RICTOR: variants seen among roughly 807,000 people sequenced by gnomAD.
RICTOR encodes rapamycin-insensitive companion of mTOR.
Under a neutral mutation model 214.9 loss-of-function variants are expected in RICTOR, and 49 were observed. The ratio of observed to expected loss-of-function variants is 0.23; its 90% CI spans 0.18 to 0.29. The LOEUF (loss-of-function observed/expected upper bound fraction) is 0.29, where lower values mean the gene tolerates loss of function less well. Ranked by LOEUF, RICTOR falls within the 10% of genes least tolerant of loss-of-function variation. The probability of loss-of-function intolerance (pLI) is 1.00; values close to 1 mark genes in which losing one functional copy is unlikely to be tolerated. For synonymous variants in RICTOR, 717 were observed against 711.3 expected (o/e 1.01, Z -0.13); for missense variants, 1,625 against 2,047.0 (o/e 0.79, Z 3.98).
At chr5:39,014,361 GAT>G (rs1754776030) in intron 3 of RICTOR, among the ~76,000 whole-genome samples, 2 of 152,096 alleles carry the variant, frequency 1.3e-5, no homozygotes, top group South Asian at 4.1e-4. Context: ...ACCAGAAAAG[GAT>G]ACTTTCTAGT....
At chr5:38,990,499 T>C (rs1752511031) in intron 7 of RICTOR, among the ~76,000 whole-genome samples, 1 of 150,826 alleles carries the variant, frequency 6.6e-6, no homozygotes, top group Non-Finnish European at 1.5e-5. Flanking sequence ...AAAATACATA[T>C]ATACGATATA....
intron 11 of RICTOR, chr5:38,971,029 T>TG (rs1208243549): frequency 2.0e-5 from 3 of 152,530 alleles, no homozygotes; most frequent in Admixed American, 2.0e-4. Context: ...TTTTTTGAGA[T>TG]GGAGTTTCAC....
chr5:38,996,625 T>G (rs1049142606), intron 6 of RICTOR, among the ~76,000 whole-genome samples, 194 bp downstream of exon 6: 41 of 152,250 alleles, frequency 2.7e-4, no homozygotes, highest in African/African-American at 9.4e-4. Flanking sequence ...CTATACCCAA[T>G]CACATAGAAT....
chr5:39,051,648 G>A (rs1757859722), intron 2 of RICTOR, among the ~76,000 whole-genome samples: 1 of 152,066 alleles, frequency 6.6e-6, no homozygotes, highest in South Asian at 2.1e-4. Context: ...CAGCTACTTG[G>A]AGGCTGAGGC....
rs1220374897 is a variant in RICTOR at position 38,975,534 on chromosome 5, T to C, written c.889+3A>G. 1.2e-6 allele frequency: 2 copies of C among 1,607,646 alleles called. No homozygotes were observed. The highest frequency in any genetic ancestry group is 1.7e-6 in the Non-Finnish European group (2 of 1,174,246). ...TGTTATAAAGCAATGTAGAGTAACC[T>C]ACCTGCCCATGATCGGAATGTTGCT... is the stretch of plus-strand genomic sequence containing the variant. On this transcript the variant is annotated splice_donor_region_variant and intron_variant, in intron 10 of 37. Transcript: ENST00000357387.
intron 27 of RICTOR, among the ~76,000 whole-genome samples, chr5:38,953,881 C>A (rs945119948): frequency 6.6e-6 from 1 of 151,680 alleles, no homozygotes; most frequent in Admixed American, 6.6e-5. Flanking sequence ...CAGTGCTTAC[C>A]AAAGTACTTG....
chr5:38,967,425 G>A lies in RICTOR; in HGVS notation c.1063C>T (p.Pro355Ser), dbSNP rs1294186425. The change falls in exon 13 of 38, where the codon CCA (proline) becomes TCA (serine). Residue 355 changes from proline (P) to serine (S), a missense_variant and splice_region_variant. Physicochemically the swap from Pro to Ser is moderately conservative, Grantham distance 74. Around this residue, in one of 5 missense-constraint regions of RICTOR, gnomAD observed 258 missense variants for 393.7 expected, o/e 0.66. Coordinates refer to ENST00000357387, the MANE Select transcript of RICTOR (RefSeq NM_152756.5). ...CTCCAACTGTCTTGGAACCTCCCTG[G>A]ATCTAAATTAGTTAAAATATGGTAG... ...EFIEALLSVDPGRFQDSWRLS... is the reference protein window; with the variant it reads ...EFIEALLSVDSGRFQDSWRLS... 3 of 1,605,666 alleles carry A rather than the reference G, an allele frequency of 1.9e-6. No individual in the cohort carries two copies. The South Asian group carries it at 3.3e-5, about 18-fold the overall frequency.
intron 2 of RICTOR, among the ~76,000 whole-genome samples, chr5:39,045,852 T>C (rs951064966): frequency 2.0e-5 from 3 of 152,076 alleles, no homozygotes; most frequent in African/African-American, 7.2e-5. Context: ...ATACCTTGGC[T>C]GTAGGACACT....
At chr5:39,062,502 A>G (rs1303148033) in intron 2 of RICTOR, among the ~76,000 whole-genome samples, 1 of 152,090 alleles carries the variant, frequency 6.6e-6, no homozygotes, top group Admixed American at 6.5e-5. Flanking sequence ...TATGAGTGAA[A>G]AAAAGTGTAA....
At chr5:39,028,769 G>A (rs1035524729) in intron 2 of RICTOR, among the ~76,000 whole-genome samples, 2 of 151,854 alleles carry the variant, frequency 1.3e-5, no homozygotes, top group Admixed American at 6.6e-5. Flanking sequence ...GCAGTGGCTC[G>A]TGCCTGTAAT....
intron 20 of RICTOR, 135 bp from the exon 21 acceptor site, chr5:38,960,113 G>A (rs550649354): frequency 7.2e-6 from 5 of 694,884 alleles, no homozygotes; most frequent in Admixed American, 2.4e-5. Context: ...GTGAGTACCT[G>A]TTGTTTTCTA....
chr5:38,963,010 G>A lies in RICTOR; in HGVS notation c.1432C>T (p.Arg478Cys), dbSNP rs750569880. The A allele has an allele frequency of 1.6e-5, 26 of 1,612,710 alleles. No individual in the cohort carries two copies. The highest frequency in any genetic ancestry group is 4.0e-5 in the African/African-American group (3 of 74,880). Residue 478 changes from arginine to cysteine, a missense_variant, in exon 17 of 38, where the codon CGC becomes TGC. This residue lies in a region of RICTOR where 1,214 missense variants were observed against 1,470.5 expected (regional missense o/e 0.83). Coordinates refer to ENST00000357387, the MANE Select transcript of RICTOR (RefSeq NM_152756.5). Reference sequence around the variant, plus strand: ...CCTCGTTTCTTCATTTCATGGAAGCGTTTTAAACAGTTCAAGGCTGCACTG... The same window carrying A: ...CCTCGTTTCTTCATTTCATGGAAGCATTTTAAACAGTTCAAGGCTGCACTG... ...RASAALNCLK[R>C]FHEMKKRGPK...
intron 7 of RICTOR, among the ~76,000 whole-genome samples, chr5:38,982,825 TAAC>T (rs1751832819): frequency 5.9e-5 from 9 of 151,550 alleles, no homozygotes; most frequent in Admixed American, 5.9e-4. Flanking sequence ...TATAAACAGT[TAAC>T]AGTTTATACA....
chr5:38,943,867 C>T (rs1747882761), intron 36 of RICTOR, among the ~76,000 whole-genome samples: 1 of 152,062 alleles, frequency 6.6e-6, no homozygotes, highest in Non-Finnish European at 1.5e-5. Flanking sequence ...CCCTGAGGTG[C>T]ATTTCTTTTA....
At chr5:38,977,076 G>T (rs1484474686) in intron 9 of RICTOR, among the ~76,000 whole-genome samples, 1 of 152,244 alleles carries the variant, frequency 6.6e-6, no homozygotes, top group African/African-American at 2.4e-5. Context: ...GCTGAAAGCA[G>T]TAGAAAGATT....
At chr5:38,994,966 C>T (rs922715787) in intron 6 of RICTOR, among the ~76,000 whole-genome samples, 6 of 152,122 alleles carry the variant, frequency 3.9e-5, no homozygotes, top group African/African-American at 1.2e-4. Flanking sequence ...GTCCTTTTTA[C>T]TCTTATTTTC....
intron 7 of RICTOR, among the ~76,000 whole-genome samples, chr5:38,984,246 T>C (rs535715994): frequency 6.6e-6 from 1 of 152,286 alleles, no homozygotes; most frequent in South Asian, 2.1e-4. Context: ...TCTTCATTTA[T>C]TTATTAATCT....
At chr5:39,028,378 T>A (rs1232954416) in intron 2 of RICTOR, among the ~76,000 whole-genome samples, 1 of 151,648 alleles carries the variant, frequency 6.6e-6, no homozygotes, top group African/African-American at 2.4e-5. Context: ...GAGACGGGGT[T>A]TCACCGTTTT....
Position 38,941,896 on chromosome 5 carries a change from A to T in RICTOR, c.*408T>A, listed in dbSNP as rs985486584. The T allele has an allele frequency of 8.5e-6, 2 of 234,232 alleles. No individual in the cohort carries two copies. Among genetic ancestry groups the T allele is most frequent in the African/African-American group, 4.4e-5 (2 of 45,368 alleles). 14.5% of individuals were successfully genotyped at this position (234,232 alleles called of 1,614,324 possible). On this transcript the variant is annotated 3_prime_UTR_variant, in exon 38 of 38. Transcript: ENST00000357387. Reference sequence around the variant, plus strand: ...CTGCTTTCCACAAGTTAGTTAACAAACAAGGCATCTGTATTATTTACCCTA... The same window carrying T: ...CTGCTTTCCACAAGTTAGTTAACAATCAAGGCATCTGTATTATTTACCCTA...
Sources: gnomAD v4.1 joint callset for allele counts (sites outside exome capture counted in the v4.1 genomes callset) on GRCh38, gnomAD v4.1.1 for gene constraint, gnomAD v4.1.1 regional missense constraint, MANE v1.5 for transcripts, NCBI Gene and HGNC (gene_info 2026-07-23, HGNC 2026-07-21) for gene names.